The following AWAT1 variants were observed in gnomAD, a reference collection of about 807,000 sequenced individuals.
AWAT1 encodes acyl-CoA wax alcohol acyltransferase 1.
In AWAT1, 26 loss-of-function variants were observed where a neutral mutation model predicts 21.6. The ratio of observed to expected loss-of-function variants is 1.20; its 90% CI spans 0.88 to 1.67. The LOEUF (loss-of-function observed/expected upper bound fraction) is 1.67. Among genes scored for constraint, AWAT1 ranks in the 40% most tolerant of loss-of-function variants. The probability of loss-of-function intolerance (pLI) is 0.00; values close to 1 mark genes in which losing one functional copy is unlikely to be tolerated. For synonymous variants in AWAT1, 102 were observed against 99.3 expected (o/e 1.03, Z -0.16); for missense variants, 264 against 249.4 (o/e 1.06, Z -0.39).
chrX:70,238,356 G>T lies in AWAT1; in HGVS notation c.605G>T (p.Gly202Val), dbSNP rs752202131. ...TTTLILQKRK[G>V]FVRTALQHGA... ...ACCCTCATCCTCCAGAAGCGCAAGG[G>T]GTTCGTGCGCACAGCCCTCCAGCAT... The change falls in exon 5 of 7, where the codon GGG becomes GTG. Residue 202 changes from glycine (G) to valine (V), a missense_variant. By Grantham distance (109) the Gly-to-Val change is moderately radical. Transcript: ENST00000374521. The T allele has an allele frequency of 8.3e-7, 1 of 1,203,791 alleles. No individual in the cohort carries two copies. The highest frequency in any genetic ancestry group is 2.2e-5 in the Admixed American group (1 of 45,654).
At chrX:70,237,898 A>ATAATAGCTGTTGC (rs1429972528) in intron 4 of AWAT1, among the ~76,000 whole-genome samples, 1 of 105,228 alleles carries the variant, frequency 9.5e-6, no homozygotes, top group Non-Finnish European at 2.0e-5. Flanking sequence ...TCCTCAATAA[A>ATAATAGCTGTTGC]TAATAGCTGT....
intron 4 of AWAT1, 115 bp from the exon 5 acceptor site, chrX:70,238,097 C>A: frequency 1.4e-6 from 1 of 724,113 alleles, no homozygotes; most frequent in Non-Finnish European, 2.0e-6. Context: ...AGTCCCATCT[C>A]ATTGCTCCTC....
At position 70,239,826 on chromosome X, in the gene AWAT1, A is replaced by C. The variant is rs1358100048; in HGVS notation, c.724A>C (p.Ser242Arg). Residue 242 changes from serine to arginine, a missense_variant, in exon 6 of 7, where the codon AGC (serine) becomes CGC (arginine). Transcript: ENST00000374521. ...GGATAGCAGGATGTACAAGTTCCAG[A>C]GCTGCTTCCGCCGTATCTTTGGTTT... ...HKDSRMYKFQ[S>R]CFRRIFGFYC... The C allele has an allele frequency of 8.3e-7, 1 of 1,207,471 alleles. No individual in the cohort carries two copies. The highest frequency in any genetic ancestry group is 1.8e-5 in the African/African-American group (1 of 56,971).
intron 1 of AWAT1, among the ~76,000 whole-genome samples, chrX:70,235,310 G>A (rs952262325): frequency 9.0e-6 from 1 of 110,669 alleles, no homozygotes; most frequent in Non-Finnish European, 1.9e-5. Context: ...GATGGGCAGC[G>A]TGTAGGAAGA....
intron 5 of AWAT1, 58 bp downstream of exon 5, chrX:70,238,441 C>T (rs767790714): frequency 7.6e-5 from 81 of 1,068,212 alleles, no homozygotes; most frequent in Middle Eastern, 3.3e-4. Context: ...ATGACCCTGT[C>T]GGTGAGGCCA....
In AWAT1 at chrX:70,234,676, C is replaced by G. The variant is rs201907735; in HGVS notation, c.-20C>G. On this transcript the variant is annotated 5_prime_UTR_variant, in exon 1 of 7. Coordinates refer to ENST00000374521, the MANE Select transcript of AWAT1 (RefSeq NM_001013579.3). ...GAACACTGTTCTGAGATCTTTGCCT[C>G]CCTCAGGCTCCCGAGAATCATGGCT... 5.0e-5 allele frequency: 60 copies of G among 1,198,371 alleles called. 1 individual carries two copies. The highest frequency in any genetic ancestry group is 6.8e-5 in the Non-Finnish European group (60 of 885,642).
Position 70,235,696 on chromosome X carries a change from C to T in AWAT1, c.77-20C>T, listed in dbSNP as rs769206579. The T allele has an allele frequency of 2.5e-6, 3 of 1,183,246 alleles. No homozygotes were observed. Among genetic ancestry groups the T allele is most frequent in the Non-Finnish European group, 3.4e-6 (3 of 871,479 alleles). ...GTTCTGCTGGCAGCACAAATTTGGT[C>T]TAACCTGGTCCCTCATCAGTTTGGA... On this transcript the variant is annotated intron_variant, in intron 1 of 6. Transcript: ENST00000374521.
chrX:70,238,628 A>G (rs2085525447), intron 5 of AWAT1, among the ~76,000 whole-genome samples: 1 of 112,485 alleles, frequency 8.9e-6, no homozygotes, highest in Non-Finnish European at 1.9e-5. Flanking sequence ...TGCCCACATT[A>G]TCTCTATCAA....
intron 4 of AWAT1, among the ~76,000 whole-genome samples, chrX:70,237,696 G>T (rs767887189): frequency 9.3e-6 from 1 of 107,511 alleles, no homozygotes; most frequent in Non-Finnish European, 1.9e-5. Flanking sequence ...GCTGGGCATG[G>T]TGGTGGGCAC....
chrX:70,240,399 G>C lies in AWAT1; in HGVS notation c.*109G>C. ...GATGAGGGAGGTTATATGTGGTAGG[G>C]GAGGGCATGAGGAATTCCTTCTTTG... On this transcript the variant is annotated 3_prime_UTR_variant, in exon 7 of 7. Transcript: ENST00000374521. 1.1e-6 allele frequency: 1 copy of C among 876,078 alleles called. No individual in the cohort carries two copies. 72.2% of individuals were successfully genotyped at this position (876,078 alleles called of 1,213,427 possible).
At chrX:70,239,646 G>C in intron 5 of AWAT1, 89 bp from the exon 6 acceptor site, 2 of 836,197 alleles carry the variant, frequency 2.4e-6, no homozygotes, top group Non-Finnish European at 1.8e-6. Context: ...CATCAAAATA[G>C]ATGAGGGCCT....
chrX:70,240,128 C>T lies in AWAT1; in HGVS notation c.833-8C>T, dbSNP rs777803515. ...TTTCCTCTTCTCTTTTCCGATCTCT[C>T]TTGGCAGTTGGGGAGCCTCTGCCAC... On this transcript the variant is annotated splice_region_variant and splice_polypyrimidine_tract_variant and intron_variant, in intron 6 of 6. Coordinates refer to ENST00000374521, the MANE Select transcript of AWAT1 (RefSeq NM_001013579.3). 3 of 1,210,213 alleles carry T rather than the reference C, an allele frequency of 2.5e-6. No individual in the cohort carries two copies. In the South Asian group the frequency reaches 5.3e-5, roughly 21 times the overall value.
chrX:70,235,258 C>A (rs1375427861), intron 1 of AWAT1, among the ~76,000 whole-genome samples: 1 of 110,787 alleles, frequency 9.0e-6, no homozygotes, highest in East Asian at 2.8e-4. Flanking sequence ...GGCAAGAGGA[C>A]AAGCATAGTG....
At chrX:70,239,567 A>G (rs1181918749) in intron 5 of AWAT1, among the ~76,000 whole-genome samples, 168 bp from the exon 6 acceptor site, 1 of 112,024 alleles carries the variant, frequency 8.9e-6, no homozygotes, top group African/African-American at 3.2e-5. Flanking sequence ...TGAAAATTTC[A>G]TGACAAGAGA....
chrX:70,238,395 C>A lies in AWAT1; in HGVS notation c.632+12C>A. The A allele has an allele frequency of 2.6e-6, 3 of 1,173,045 alleles. No individual in the cohort carries two copies. The highest frequency in any genetic ancestry group is 3.4e-6 in the Non-Finnish European group (3 of 870,870). ...GCCCTCCAGCATGGGTAGGTGTTCC[C>A]CACAGAGGGGCAGTGCATGGTGTTC... On this transcript the variant is annotated intron_variant, in intron 5 of 6. Coordinates refer to ENST00000374521, the MANE Select transcript of AWAT1 (RefSeq NM_001013579.3).
chrX:70,238,435 C>T (rs755467595), intron 5 of AWAT1, 52 bp downstream of exon 5: 1 of 1,088,759 alleles, frequency 9.2e-7, no homozygotes, highest in Non-Finnish European at 1.2e-6. Context: ...AGCAGCATGA[C>T]CCTGTCGGTG....
At chrX:70,238,035 C>A (rs1211811937) in intron 4 of AWAT1, among the ~76,000 whole-genome samples, 177 bp from the exon 5 acceptor site, 1 of 110,345 alleles carries the variant, frequency 9.1e-6, no homozygotes, top group Non-Finnish European at 1.9e-5. Context: ...AAGATATTGC[C>A]TCATTGTGAG....
chrX:70,239,184 TG>T (rs1363113979), intron 5 of AWAT1, among the ~76,000 whole-genome samples: 1 of 112,463 alleles, frequency 8.9e-6, no homozygotes, highest in Non-Finnish European at 1.9e-5. Context: ...TTTCTGAACC[TG>T]TACTTCTGCA....
chrX:70,240,407 T>G lies in AWAT1; in HGVS notation c.*117T>G. ...AGGTTATATGTGGTAGGGGAGGGCA[T>G]GAGGAATTCCTTCTTTGCCTTCTTG... On this transcript the variant is annotated 3_prime_UTR_variant, in exon 7 of 7. Transcript: ENST00000374521. The G allele has an allele frequency of 1.2e-6, 1 of 814,289 alleles. No individual in the cohort carries two copies. Among genetic ancestry groups the G allele is most frequent in the South Asian group, 2.8e-5 (1 of 35,879 alleles). 67.1% of individuals were successfully genotyped at this position (814,289 alleles called of 1,213,427 possible). A position where few individuals can be genotyped will look rare whatever the true frequency, so the allele number is the denominator to read the frequency against.
Sources: gnomAD v4.1 joint callset for allele counts (sites outside exome capture counted in the v4.1 genomes callset) on GRCh38, gnomAD v4.1.1 for gene constraint, MANE v1.5 for transcripts, NCBI Gene and HGNC (gene_info 2026-07-23, HGNC 2026-07-21) for gene names.